The following SPTB variants were observed in gnomAD, a reference collection of about 807,000 sequenced individuals.
The protein encoded by SPTB is spectrin beta chain, erythrocytic.
In SPTB, 45 loss-of-function variants were observed where a neutral mutation model predicts 256.2. That is an observed-to-expected ratio of 0.18 (90% CI 0.14 to 0.23). SPTB has a LOEUF of 0.23. SPTB is among the 10% of genes least tolerant of loss of function. The pLI is 1.00. For missense variants in SPTB, 2,715 were observed against 3,040.4 expected (o/e 0.89, Z 2.52); for synonymous variants, 1,231 against 1,243.1 (o/e 0.99, Z 0.21).
intron 1 of SPTB, among the ~76,000 whole-genome samples, chr14:64,854,262 G>A (rs867298769): frequency 8.8e-4 from 120 of 136,316 alleles, no homozygotes; most frequent in Middle Eastern, 7.9e-3. Context: ...ACAGTCAATA[G>A]TTTTCCAAAC....
chr14:64,849,266 G>T (rs898672796), intron 1 of SPTB, among the ~76,000 whole-genome samples: 1 of 152,152 alleles, frequency 6.6e-6, no homozygotes, highest in African/African-American at 2.4e-5. Context: ...AAGAAACCAC[G>T]GACCTGAAAA....
chr14:64,757,443 C>A (rs551715541), intron 32 of SPTB: 13 of 152,232 alleles, frequency 8.5e-5, no homozygotes, highest in African/African-American at 2.7e-4. Flanking sequence ...CCAGTGCGAT[C>A]AAAAATTATG....
Position 64,841,740 on chromosome 14 carries a change from C to CATAT in SPTB, c.-51-18599_-51-18596dup, listed in dbSNP as rs5809251. ...ATCTCCCAGCTGCCCTCTGACATCC[C>CATAT]ATATATATATATATATTTTTTAAGG... On this transcript the variant is annotated intron_variant, in intron 1 of 35. Transcript: ENST00000644917. This position sits in a 1 kb window ranked among gnomAD's most constrained non-coding sequence, Gnocchi z 4.6. Among the ~76,000 whole-genome samples the CATAT allele has an allele frequency of 2.7e-5, 3 of 109,102 alleles. No individual in the cohort carries two copies. Among genetic ancestry groups the CATAT allele is most frequent in the African/African-American group, 5.0e-5 (1 of 19,942 alleles). 71.6% of individuals were successfully genotyped at this position (109,102 alleles called of 152,430 possible). A position where few individuals can be genotyped will look rare whatever the true frequency, so the allele number is the denominator to read the frequency against.
At chr14:64,865,572 G>A (rs940861116) in intron 1 of SPTB, among the ~76,000 whole-genome samples, 6 of 152,118 alleles carry the variant, frequency 3.9e-5, no homozygotes, top group African/African-American at 7.2e-5. Flanking sequence ...AACCAAGGCT[G>A]CCATTGGAGT....
rs564080026 is a variant in SPTB, at chr14:64,806,669, G to C, written c.149-1579C>G. On this transcript the variant is annotated intron_variant, in intron 2 of 35. Transcript: ENST00000644917. This position sits in a 1 kb window ranked among gnomAD's most constrained non-coding sequence, Gnocchi z 4.1. ...CTTGATTCTTCTGTGCACTCATTGA[G>C]CAAATATTTACCGTACAACCGTCAG... 3.9e-4 allele frequency among the ~76,000 whole-genome samples: 59 copies of C among 152,276 alleles called. No individual in the cohort carries two copies. The highest frequency in any genetic ancestry group is 1.4e-3 in the African/African-American group (57 of 41,552).
chr14:64,762,484 C>G (rs942663220), intron 32 of SPTB, among the ~76,000 whole-genome samples: 6 of 152,220 alleles, frequency 3.9e-5, no homozygotes, highest in Admixed American at 3.3e-4. Context: ...CAGCCAGACA[C>G]CGGCCAAGAG....
Position 64,759,229 on chromosome 14 carries a change from AAGGCAGGGAGCCAAGTAGCT to A in SPTB, c.6346-5456_6346-5437del, listed in dbSNP as rs11270591. ...GAAAGGGCACCACAGGTGGTGTGGG[AAGGCAGGGAGCCAAGTAGCT>A]AGGCAGGGAGCCAAGTAGCTGGGCA... On this transcript the variant is annotated intron_variant, in intron 32 of 35. Transcript: ENST00000644917. This position sits in a 1 kb window ranked among gnomAD's most constrained non-coding sequence, Gnocchi z 4.8. Among the ~76,000 whole-genome samples, 23,519 of 152,004 alleles carry A rather than the reference AAGGCAGGGAGCCAAGTAGCT, an allele frequency of 0.15. 2,070 individuals are homozygous for A. The highest frequency in any genetic ancestry group is 0.23 in the African/African-American group (9,535 of 41,406).
chr14:64,765,013 G>A (rs1192142493), intron 32 of SPTB, among the ~76,000 whole-genome samples: 1 of 130,126 alleles, frequency 7.7e-6, no homozygotes, highest in Non-Finnish European at 1.7e-5. Flanking sequence ...GGAGGCCACA[G>A]AGGAGTGTGT....
At chr14:64,765,757 G>GA (rs1213008587) in intron 32 of SPTB, among the ~76,000 whole-genome samples, 1 of 151,392 alleles carries the variant, frequency 6.6e-6, no homozygotes, top group African/African-American at 2.4e-5. Flanking sequence ...CTTCACCACT[G>GA]AAGATGCCTG....
In SPTB at chr14:64,845,910, C is replaced by T. The variant is rs1012069135; in HGVS notation, c.-51-22765G>A. On this transcript the variant is annotated intron_variant, in intron 1 of 35. Coordinates refer to ENST00000644917, the MANE Select transcript of SPTB (RefSeq NM_001355436.2). The surrounding 1 kb of genome is among the most constrained non-coding windows in gnomAD (Gnocchi z 4.8). ...CAATATTGACTTTCCAAAAAAAACC[C>T]GCTCTACATTTTATGCATAAAGTAG... Among the ~76,000 whole-genome samples, 48 of 152,276 alleles carry T rather than the reference C, an allele frequency of 3.2e-4. No individual in the cohort carries two copies. The highest frequency in any genetic ancestry group is 1.8e-3 in the Admixed American group (27 of 15,298).
intron 9 of SPTB, among the ~76,000 whole-genome samples, chr14:64,799,004 T>A (rs1433270588): frequency 6.6e-6 from 1 of 152,242 alleles, no homozygotes; most frequent in Non-Finnish European, 1.5e-5. Context: ...TATGTGCATT[T>A]GTACATGTGG....
chr14:64,832,417 G>A (rs2083464156), intron 1 of SPTB, among the ~76,000 whole-genome samples: 2 of 152,012 alleles, frequency 1.3e-5, no homozygotes, highest in Admixed American at 1.3e-4. Context: ...TGCCTGCTCT[G>A]TGGGCTACTC....
chr14:64,856,594 C>T (rs2083877337), intron 1 of SPTB, among the ~76,000 whole-genome samples: 1 of 152,246 alleles, frequency 6.6e-6, no homozygotes, highest in Non-Finnish European at 1.5e-5. Context: ...AGAGATGATA[C>T]TACCCAACTT....
chr14:64,776,266 A>G (rs957059429), intron 22 of SPTB, among the ~76,000 whole-genome samples: 3 of 152,172 alleles, frequency 2.0e-5, no homozygotes, highest in Non-Finnish European at 2.9e-5. Context: ...AATATGCACA[A>G]AATAACCACA....
rs1440604844 is a variant in SPTB, at chr14:64,827,068, C to T, written c.-51-3923G>A. 6.6e-6 allele frequency among the ~76,000 whole-genome samples: 1 copy of T among 152,228 alleles called. No homozygotes were observed. Among genetic ancestry groups the T allele is most frequent in the African/African-American group, 2.4e-5 (1 of 41,452 alleles). On this transcript the variant is annotated intron_variant, in intron 1 of 35. Transcript: ENST00000644917. The surrounding 1 kb of genome is among the most constrained non-coding windows in gnomAD (Gnocchi z 4.6). Reference sequence around the variant, plus strand: ...CAACCTCATGTGCTATGTCCAGTTACTCCCTGGGTTGGTTAAGAACTGAGA... The same window carrying T: ...CAACCTCATGTGCTATGTCCAGTTATTCCCTGGGTTGGTTAAGAACTGAGA...
At chr14:64,856,687 T>TC (rs1194207829) in intron 1 of SPTB, among the ~76,000 whole-genome samples, 1 of 152,184 alleles carries the variant, frequency 6.6e-6, no homozygotes, top group East Asian at 1.9e-4. Flanking sequence ...GAACGTACCC[T>TC]CCCTAGGGCA....
At chr14:64,872,771 G>A (rs1882609228) in intron 1 of SPTB, among the ~76,000 whole-genome samples, 1 of 152,142 alleles carries the variant, frequency 6.6e-6, no homozygotes, top group Non-Finnish European at 1.5e-5. Flanking sequence ...CTGAATCACG[G>A]GGGTGGGTTT....
chr14:64,749,218 AC>A lies in SPTB; in HGVS notation c.*87del, dbSNP rs1486984534. ...CCGCGACTCGACTCATCTCGATTCGACCGGCGGGCGGCGGCGAGAGGAGGCC... is the reference window on the plus strand; with the variant it reads ...CCGCGACTCGACTCATCTCGATTCGACGGCGGGCGGCGGCGAGAGGAGGCC... On this transcript the variant is annotated 3_prime_UTR_variant, in exon 36 of 36. Transcript: ENST00000644917. This position sits in a 1 kb window ranked among gnomAD's most constrained non-coding sequence, Gnocchi z 4.7. 1,193 of 1,476,588 alleles carry A rather than the reference AC, an allele frequency of 8.1e-4. No homozygotes were observed. The highest frequency in any genetic ancestry group is 1.1e-3 in the Non-Finnish European group (1,165 of 1,099,208). 91.5% of individuals were successfully genotyped at this position (1,476,588 alleles called of 1,614,324 possible). A position where few individuals can be genotyped will look rare whatever the true frequency, so the allele number is the denominator to read the frequency against.
intron 32 of SPTB, among the ~76,000 whole-genome samples, chr14:64,765,873 G>C (rs992602261): frequency 5.3e-5 from 8 of 150,670 alleles, no homozygotes; most frequent in African/African-American, 2.0e-4. Flanking sequence ...GTGTGTGTGT[G>C]TGGAGGTTGC....
Sources: gnomAD v4.1 joint callset for allele counts (sites outside exome capture counted in the v4.1 genomes callset) on GRCh38, gnomAD v4.1.1 for gene constraint, Gnocchi (gnomAD v3.1) non-coding constraint, MANE v1.5 for transcripts, NCBI Gene and HGNC (gene_info 2026-07-23, HGNC 2026-07-21) for gene names.